Variants in HDAC9 observed in about 807,000 individuals in gnomAD.
HDAC9 encodes histone deacetylase 9, also known as MEF-2 interacting transcription repressor (MITR) protein.
In HDAC9, 41 loss-of-function variants were observed where a neutral mutation model predicts 139.4. That is an observed-to-expected ratio of 0.29 (90% CI 0.23 to 0.38). HDAC9 has a LOEUF of 0.38. Among genes scored for constraint, HDAC9 ranks in the 10% least tolerant of loss-of-function variants. HDAC9 has a pLI of 1.00. For synonymous variants in HDAC9, 517 were observed against 476.2 expected (o/e 1.09, Z -1.12); for missense variants, 1,147 against 1,297.0 (o/e 0.88, Z 1.78).
intron 1 of HDAC9, among the ~76,000 whole-genome samples, chr7:18,296,983 T>C (rs968604998): frequency 6.6e-6 from 1 of 152,198 alleles, no homozygotes; most frequent in Non-Finnish European, 1.5e-5. Context: ...GTTTATTGTC[T>C]AGACTTGTAC....
intron 1 of HDAC9, among the ~76,000 whole-genome samples, chr7:18,436,765 AT>A (rs1391793632): frequency 1.3e-5 from 2 of 152,220 alleles, no homozygotes; most frequent in Non-Finnish European, 2.9e-5. Flanking sequence ...TAGGCAGATA[AT>A]GAAATGTAGA....
intron 2 of HDAC9, among the ~76,000 whole-genome samples, chr7:18,567,849 G>T (rs1822896142): frequency 6.6e-6 from 1 of 151,546 alleles, no homozygotes; most frequent in Non-Finnish European, 1.5e-5. Context: ...AAAACCTCAA[G>T]GTTTTAAAAC....
At chr7:18,328,743 A>G (rs1800664939) in intron 1 of HDAC9, among the ~76,000 whole-genome samples, 1 of 151,842 alleles carries the variant, frequency 6.6e-6, no homozygotes, top group South Asian at 2.1e-4. Context: ...CATCAGGAAT[A>G]TTGGCCTGTA....
intron 2 of HDAC9, among the ~76,000 whole-genome samples, chr7:18,183,244 C>A (rs1004089082): frequency 3.3e-5 from 5 of 152,098 alleles, no homozygotes; most frequent in South Asian, 2.1e-4. Context: ...CTTCTGACCT[C>A]GTGATCCGCC....
chr7:18,245,134 C>A (rs777916787), intron 2 of HDAC9, among the ~76,000 whole-genome samples: 3 of 152,062 alleles, frequency 2.0e-5, no homozygotes, highest in African/African-American at 7.2e-5. Context: ...GCATGTGGGG[C>A]CAATTTGATT....
At chr7:18,920,801 G>A (rs1407105744) in intron 22 of HDAC9, among the ~76,000 whole-genome samples, 4 of 152,036 alleles carry the variant, frequency 2.6e-5, no homozygotes, top group Non-Finnish European at 5.9e-5. Flanking sequence ...TACATTTATT[G>A]ATTTTCGTAT....
chr7:18,667,503 C>T, intron 12 of HDAC9: 1 of 984,204 alleles, frequency 1.0e-6, no homozygotes, highest in Non-Finnish European at 1.2e-6. Context: ...GTATATAATG[C>T]ACCTTCAGGA....
chr7:18,149,387 A>G (rs969186684), intron 1 of HDAC9, among the ~76,000 whole-genome samples: 2 of 146,812 alleles, frequency 1.4e-5, no homozygotes, highest in African/African-American at 5.0e-5. Flanking sequence ...TCAGGGTCTC[A>G]CCGTGTCACT....
chr7:18,395,289 C>G (rs537671929), intron 1 of HDAC9: 1 of 152,186 alleles, frequency 6.6e-6, no homozygotes, highest in East Asian at 1.9e-4. Flanking sequence ...CATTATCTCA[C>G]TTAATACTCA....
At chr7:18,179,794 G>A (rs549466162) in intron 2 of HDAC9, among the ~76,000 whole-genome samples, 2 of 152,200 alleles carry the variant, frequency 1.3e-5, no homozygotes, top group African/African-American at 2.4e-5. Context: ...TTCCTCATTT[G>A]GAAAATATGT....
rs1421109107 is a variant in HDAC9, at chr7:18,889,672, G to A, written c.2803+15076G>A. 3.3e-5 allele frequency among the ~76,000 whole-genome samples: 5 copies of A among 152,182 alleles called. No individual in the cohort carries two copies. In the East Asian group the frequency reaches 7.7e-4, roughly 24 times the overall value. On this transcript the variant is annotated intron_variant, in intron 22 of 25. Transcript: ENST00000686413. ...CTCCACAGTATATACACCTTTATAGGACCAACACATGGGTCTGCCACTTTT... is the reference window on the plus strand; with the variant it reads ...CTCCACAGTATATACACCTTTATAGAACCAACACATGGGTCTGCCACTTTT...
chr7:18,112,061 G>A (rs1783653768), intron 1 of HDAC9, among the ~76,000 whole-genome samples: 2 of 152,180 alleles, frequency 1.3e-5, no homozygotes, highest in Admixed American at 6.5e-5. Flanking sequence ...TAGAATAGAT[G>A]TAGTAAAAAT....
At chr7:18,541,931 T>C (rs1332154955) in intron 2 of HDAC9, among the ~76,000 whole-genome samples, 3 of 152,186 alleles carry the variant, frequency 2.0e-5, no homozygotes, top group Non-Finnish European at 4.4e-5. Context: ...CCTACAGATA[T>C]ATCCATTTAG....
chr7:18,178,272 A>G (rs994976347), intron 2 of HDAC9, among the ~76,000 whole-genome samples: 2 of 152,144 alleles, frequency 1.3e-5, no homozygotes, highest in African/African-American at 4.8e-5. Context: ...TTTAGTAGAG[A>G]CAGGGTTTCA....
intron 1 of HDAC9, among the ~76,000 whole-genome samples, chr7:18,469,483 A>G (rs1274707437): frequency 1.3e-5 from 2 of 152,164 alleles, no homozygotes; most frequent in Admixed American, 1.3e-4. Context: ...ACGAGAAAAA[A>G]AAGCACATTT....
rs567403536 is a variant in HDAC9 at position 18,656,907 on chromosome 7, C to T, written c.1467+8224C>T. ...TACTAATTTACATTCCCACCAACAG[C>T]GTACGACGGTTCCCCTTTCTCCACG... is the stretch of plus-strand genomic sequence containing the variant. On this transcript the variant is annotated intron_variant, in intron 11 of 25. Coordinates refer to ENST00000686413, the MANE Select transcript of HDAC9 (RefSeq NM_178425.4). 2.8e-4 allele frequency among the ~76,000 whole-genome samples: 43 copies of T among 152,210 alleles called. 1 individual carries two copies. Among genetic ancestry groups the T allele is most frequent in the African/African-American group, 9.6e-4 (40 of 41,546 alleles).
intron 21 of HDAC9, among the ~76,000 whole-genome samples, chr7:18,860,449 T>C (rs1014793085): frequency 2.0e-5 from 3 of 152,212 alleles, no homozygotes; most frequent in African/African-American, 7.2e-5. Flanking sequence ...AGATACATGT[T>C]GCAGGGGCTT....
chr7:18,870,418 A>C (rs1373585370), intron 21 of HDAC9, among the ~76,000 whole-genome samples: 1 of 152,096 alleles, frequency 6.6e-6, no homozygotes, highest in Admixed American at 6.6e-5. Context: ...TCATTATGAG[A>C]TTTGAAGTTA....
At chr7:18,915,075 A>G (rs533143955) in intron 22 of HDAC9, among the ~76,000 whole-genome samples, 85 of 152,214 alleles carry the variant, frequency 5.6e-4, no homozygotes, top group African/African-American at 1.9e-3. Context: ...ACTGACAACA[A>G]TAAATCAATT....
Sources: allele counts gnomAD v4.1 joint callset (sites outside exome capture counted in the v4.1 genomes callset), GRCh38; gene constraint gnomAD v4.1.1; transcripts MANE v1.5; gene names NCBI Gene and HGNC (gene_info 2026-07-23, HGNC 2026-07-21).